PXDNL: variants seen among roughly 807,000 people sequenced by gnomAD.
The protein encoded by PXDNL is peroxidasin like.
PXDNL carries 145 observed loss-of-function variants against 150.8 expected under a neutral mutation model. The observed-to-expected ratio is 0.96, with a 90% CI of 0.84 to 1.10. The LOEUF (loss-of-function observed/expected upper bound fraction) is 1.10, where lower values mean the gene tolerates loss of function less well. Ranked by LOEUF, PXDNL falls within the 50% of genes least tolerant of loss-of-function variation. The pLI, the probability that PXDNL is intolerant of heterozygous loss-of-function variation, is 0.00. For missense variants in PXDNL, 2,087 were observed against 1,873.9 expected, an observed-to-expected ratio of 1.11 and a Z score of -2.10; for synonymous variants, 757 against 725.7, an observed-to-expected ratio of 1.04 and a Z score of -0.69.
intron 2 of PXDNL, among the ~76,000 whole-genome samples, chr8:51,602,045 A>G (rs1426514053): frequency 6.6e-6 from 1 of 151,900 alleles, no homozygotes. Flanking sequence ...TGATGAAAAT[A>G]GGCCCCCAAA....
intron 5 of PXDNL, among the ~76,000 whole-genome samples, chr8:51,497,754 T>C (rs997924978): frequency 3.3e-5 from 5 of 152,310 alleles, no homozygotes; most frequent in Non-Finnish European, 7.4e-5. Context: ...CCAGTTAGAA[T>C]GACGATCATT....
At chr8:51,534,480 TG>T (rs1190267755) in intron 4 of PXDNL, among the ~76,000 whole-genome samples, 1 of 46,958 alleles carries the variant, frequency 2.1e-5, no homozygotes, top group Non-Finnish European at 3.5e-5. Context: ...GGGAGGGAGG[TG>T]GGGGGGTCAG....
intron 1 of PXDNL, among the ~76,000 whole-genome samples, chr8:51,763,689 G>C (rs556187480): frequency 1.1e-4 from 17 of 151,882 alleles, no homozygotes; most frequent in Admixed American, 2.0e-4. Flanking sequence ...ATTTATTCCT[G>C]AATATTTTAT....
At chr8:51,448,716 CAAACA>C (rs1437125250) in intron 11 of PXDNL, among the ~76,000 whole-genome samples, 1 of 151,636 alleles carries the variant, frequency 6.6e-6, no homozygotes, top group South Asian at 2.1e-4. Flanking sequence ...AACAAACAAA[CAAACA>C]AACAAACAAA....
intron 5 of PXDNL, among the ~76,000 whole-genome samples, chr8:51,489,734 A>T (rs919170672): frequency 7.2e-5 from 11 of 152,242 alleles, no homozygotes; most frequent in African/African-American, 2.4e-4. Flanking sequence ...ATCAAGGGAA[A>T]CTTCTTGAAC....
At chr8:51,691,035 A>C (rs1025105813) in intron 1 of PXDNL, among the ~76,000 whole-genome samples, 24 of 152,142 alleles carry the variant, frequency 1.6e-4, no homozygotes, top group Non-Finnish European at 5.9e-5. Context: ...TTTCTTGTAA[A>C]TTTGTTTGAG....
chr8:51,443,391 A>C (rs1809600131), intron 12 of PXDNL, among the ~76,000 whole-genome samples: 1 of 152,110 alleles, frequency 6.6e-6, no homozygotes, highest in Admixed American at 6.6e-5. Context: ...GCTAAAAGGG[A>C]TTGAAGAGAA....
In PXDNL at chr8:51,409,553, AC is replaced by A. The variant is rs763453879; in HGVS notation, c.2070del (p.Tyr691ThrfsTer56). 6 of 1,570,768 alleles carry A rather than the reference AC, an allele frequency of 3.8e-6. No homozygotes were observed. The highest frequency in any genetic ancestry group is 5.2e-6 in the Non-Finnish European group (6 of 1,156,682). ...GAGCGCGGGGACACCAAGTCATTGTACCGGAATTCTGAAAGGCAAGCGGCGA... is the reference window on the plus strand; with the variant it reads ...GAGCGCGGGGACACCAAGTCATTGTACGGAATTCTGAAAGGCAAGCGGCGA... ...LTVDLEGKEF[R>X]YNDLVSPRSL... On this transcript the variant is annotated frameshift_variant, in exon 17 of 23. Transcript: ENST00000356297. LOFTEE classifies it high-confidence loss of function.
intron 2 of PXDNL, among the ~76,000 whole-genome samples, chr8:51,630,468 C>CA (rs763147484): frequency 1.3e-5 from 2 of 152,014 alleles, no homozygotes; most frequent in Non-Finnish European, 2.9e-5. Context: ...TTCTACGCAG[C>CA]AAAATAAAGT....
intron 6 of PXDNL, among the ~76,000 whole-genome samples, chr8:51,480,418 G>A (rs1426696872): frequency 6.6e-6 from 1 of 152,136 alleles, no homozygotes; most frequent in Non-Finnish European, 1.5e-5. Flanking sequence ...AGGAGAAAAG[G>A]TGGAGGATGC....
intron 1 of PXDNL, among the ~76,000 whole-genome samples, chr8:51,745,331 A>C (rs1017097634): frequency 2.0e-5 from 3 of 152,208 alleles, no homozygotes; most frequent in Non-Finnish European, 2.9e-5. Context: ...AAGAAAAAAT[A>C]ATACAAAACA....
intron 1 of PXDNL, among the ~76,000 whole-genome samples, chr8:51,702,353 C>G (rs1186968774): frequency 6.6e-6 from 1 of 152,064 alleles, no homozygotes; most frequent in African/African-American, 2.4e-5. Context: ...CATCAGAGCC[C>G]TGGGAAATTT....
At chr8:51,483,054 A>G (rs1009890388) in intron 6 of PXDNL, among the ~76,000 whole-genome samples, 1 of 152,220 alleles carries the variant, frequency 6.6e-6, no homozygotes. Flanking sequence ...AAATAAAGAC[A>G]TCAACAGTGT....
intron 1 of PXDNL, among the ~76,000 whole-genome samples, chr8:51,702,142 T>G (rs775267254): frequency 1.3e-5 from 2 of 152,210 alleles, no homozygotes; most frequent in African/African-American, 4.8e-5. Flanking sequence ...AATGGTCAAT[T>G]TGCATAATGT....
At chr8:51,712,592 C>T (rs760370173) in intron 1 of PXDNL, among the ~76,000 whole-genome samples, 4 of 152,168 alleles carry the variant, frequency 2.6e-5, no homozygotes, top group African/African-American at 4.8e-5. Context: ...AGTATTTGGA[C>T]ACTGATCACA....
chr8:51,590,234 G>A (rs1004764241), intron 3 of PXDNL, among the ~76,000 whole-genome samples: 5 of 152,064 alleles, frequency 3.3e-5, no homozygotes, highest in African/African-American at 1.2e-4. Flanking sequence ...AAGAGCTGTG[G>A]GAGTAGGGCT....
intron 21 of PXDNL, among the ~76,000 whole-genome samples, chr8:51,333,771 A>C (rs1328829367): frequency 2.0e-5 from 3 of 152,202 alleles, no homozygotes; most frequent in Admixed American, 6.5e-5. Flanking sequence ...ACAATATCAC[A>C]ATCCTAAACA....
chr8:51,435,305 A>C (rs1809366271), intron 12 of PXDNL, among the ~76,000 whole-genome samples: 1 of 152,012 alleles, frequency 6.6e-6, no homozygotes, highest in Admixed American at 6.6e-5. Flanking sequence ...TGGGTGATAG[A>C]GCGAGACTCT....
At chr8:51,496,294 C>T (rs1447204150) in intron 5 of PXDNL, among the ~76,000 whole-genome samples, 4 of 152,182 alleles carry the variant, frequency 2.6e-5, no homozygotes, top group African/African-American at 7.2e-5. Flanking sequence ...ATAATAAGAA[C>T]TATCTATGAC....
Sources: allele counts gnomAD v4.1 joint callset (sites outside exome capture counted in the v4.1 genomes callset), GRCh38; gene constraint gnomAD v4.1.1; transcripts MANE v1.5; gene names NCBI Gene and HGNC (gene_info 2026-07-23, HGNC 2026-07-21).